Variants in TRDN observed in about 807,000 individuals in gnomAD.
TRDN encodes triadin in skeletal muscle.
Under a neutral mutation model 149.7 loss-of-function variants are expected in TRDN, and 161 were observed. The observed-to-expected ratio is 1.08, with a 90% confidence interval of 0.95 to 1.23. The LOEUF is 1.23. TRDN is among the 50% of genes most tolerant of loss of function. TRDN has a pLI of 0.00. For synonymous variants in TRDN, 294 were observed against 250.5 expected (o/e 1.17, Z -1.64); for missense variants, 896 against 823.5 (o/e 1.09, Z -1.08).
At chr6:123,360,229 A>G (rs1055628508) in intron 20 of TRDN, among the ~76,000 whole-genome samples, 1 of 152,158 alleles carries the variant, frequency 6.6e-6, no homozygotes, top group Admixed American at 6.5e-5. Flanking sequence ...AAATTCTGAG[A>G]TGGGGACACA....
intron 2 of TRDN, among the ~76,000 whole-genome samples, chr6:123,560,541 T>G (rs891737492): frequency 6.6e-6 from 1 of 152,162 alleles, no homozygotes; most frequent in Non-Finnish European, 1.5e-5. Flanking sequence ...AGGACAACGC[T>G]TATCCTGATA....
At chr6:123,437,186 G>A (rs1333171027) in intron 12 of TRDN, among the ~76,000 whole-genome samples, 1 of 152,034 alleles carries the variant, frequency 6.6e-6, no homozygotes, top group East Asian at 1.9e-4. Flanking sequence ...TCTTTGCAAT[G>A]TGGTATTGTT....
intron 2 of TRDN, among the ~76,000 whole-genome samples, chr6:123,564,414 A>T (rs189135420): frequency 6.6e-6 from 1 of 152,176 alleles, no homozygotes. Context: ...GTGTGTGTGT[A>T]TATGAGTGTA....
At chr6:123,346,989 T>TA (rs11318779) in intron 21 of TRDN, among the ~76,000 whole-genome samples, 1 of 151,120 alleles carries the variant, frequency 6.6e-6, no homozygotes, top group Non-Finnish European at 1.5e-5. Context: ...ATTTCAAACA[T>TA]AAAAAAAAAA....
Position 123,264,978 on chromosome 6 carries a change from T to C in TRDN, c.1804+340A>G, listed in dbSNP as rs371295926. ...CAAAAAATGGTGTGATTTATTGTGG[T>C]GGTCTGAATGAAACCTGCAATACCC... On this transcript the variant is annotated intron_variant, in intron 33 of 40. Coordinates refer to ENST00000334268, the MANE Select transcript of TRDN (RefSeq NM_006073.4). Among the ~76,000 whole-genome samples the C allele has an allele frequency of 1.6e-4, 24 of 152,160 alleles. 1 individual carries two copies. The South Asian group carries it at 4.6e-3, about 29-fold the overall frequency.
intron 31 of TRDN, among the ~76,000 whole-genome samples, chr6:123,268,075 T>G (rs1777075793): frequency 6.6e-6 from 1 of 152,128 alleles, no homozygotes; most frequent in Non-Finnish European, 1.5e-5. Context: ...TGCTGAAAGT[T>G]GAATCATTCT....
In TRDN at chr6:123,590,620, G is replaced by A. The variant is rs181907449; in HGVS notation, c.23-19488C>T. Among the ~76,000 whole-genome samples, 113 of 152,046 alleles carry A rather than the reference G, an allele frequency of 7.4e-4. 2 individuals carry two copies. The East Asian group carries it at 0.013, about 17-fold the overall frequency. On this transcript the variant is annotated intron_variant, in intron 1 of 40. Coordinates refer to ENST00000334268, the MANE Select transcript of TRDN (RefSeq NM_006073.4). ...TCTACTAAAAATACAAAAATTAGCC[G>A]GGTGTGTGGCACATGCCTATAGTCC...
chr6:123,339,369 C>T (rs1779987900), intron 21 of TRDN, among the ~76,000 whole-genome samples: 1 of 152,028 alleles, frequency 6.6e-6, no homozygotes, highest in Non-Finnish European at 1.5e-5. Flanking sequence ...AGAGTTCTTA[C>T]TTGGCTTACA....
At chr6:123,434,215 G>A (rs1322932083) in intron 12 of TRDN, among the ~76,000 whole-genome samples, 2 of 152,144 alleles carry the variant, frequency 1.3e-5, no homozygotes, top group Admixed American at 1.3e-4. Flanking sequence ...ATTCCTGAAA[G>A]TATCATTTTT....
chr6:123,521,841 A>G (rs1014378148), intron 5 of TRDN, among the ~76,000 whole-genome samples: 6 of 152,116 alleles, frequency 3.9e-5, no homozygotes, highest in Admixed American at 2.0e-4. Context: ...CCCAAACTAC[A>G]TCTCTCCTCG....
At position 123,259,668 on chromosome 6, in the gene TRDN, G is replaced by C. The variant is rs1776691442; in HGVS notation, c.1832-6C>G. On this transcript the variant is annotated splice_polypyrimidine_tract_variant and splice_region_variant and intron_variant, in intron 34 of 40. Coordinates refer to ENST00000334268, the MANE Select transcript of TRDN (RefSeq NM_006073.4). ...TATTTCAGTTTTCTTCTTTCCTAGG[G>C]GAAAGAAAAACAACAAGAAACCATC... 1 of 1,455,606 alleles carries C rather than the reference G, an allele frequency of 6.9e-7. No individual in the cohort carries two copies. The highest frequency in any genetic ancestry group is 1.3e-5 in the South Asian group (1 of 76,298). 90.2% of individuals were successfully genotyped at this position (1,455,606 alleles called of 1,614,324 possible). A position where few individuals can be genotyped will look rare whatever the true frequency, so the allele number is the denominator to read the frequency against.
chr6:123,351,898 T>C, intron 21 of TRDN: 1 of 984,964 alleles, frequency 1.0e-6, no homozygotes, highest in Non-Finnish European at 1.2e-6. Context: ...CTTTAAATGT[T>C]TTAAGTTTAG....
intron 24 of TRDN, among the ~76,000 whole-genome samples, chr6:123,315,909 T>G (rs562844376): frequency 6.6e-6 from 1 of 152,002 alleles, no homozygotes; most frequent in African/African-American, 2.4e-5. Flanking sequence ...TATTTCAGCT[T>G]TCAAATTAAT....
At chr6:123,221,828 C>T (rs546270959) in intron 39 of TRDN, among the ~76,000 whole-genome samples, 41 of 151,820 alleles carry the variant, frequency 2.7e-4, no homozygotes, top group African/African-American at 9.6e-4. Flanking sequence ...ACATGCATCC[C>T]TTTCCTGAGA....
intron 21 of TRDN, among the ~76,000 whole-genome samples, chr6:123,344,166 A>G (rs913368146): frequency 6.6e-5 from 10 of 151,978 alleles, no homozygotes; most frequent in Non-Finnish European, 1.2e-4. Flanking sequence ...AGTTTGTTAT[A>G]GCAGCCCAAA....
chr6:123,313,281 C>T (rs1582856961), intron 24 of TRDN, among the ~76,000 whole-genome samples: 1 of 151,964 alleles, frequency 6.6e-6, no homozygotes, highest in South Asian at 2.1e-4. Context: ...AAGTCTACTT[C>T]TGTCATTTCA....
chr6:123,560,172 A>G (rs926924852), intron 2 of TRDN, among the ~76,000 whole-genome samples: 1 of 152,094 alleles, frequency 6.6e-6, no homozygotes, highest in African/African-American at 2.4e-5. Flanking sequence ...ATCACAAACT[A>G]TGCTCAACTC....
At chr6:123,274,860 G>A (rs575905282) in intron 26 of TRDN, among the ~76,000 whole-genome samples, 190 bp from the exon 27 acceptor site, 121 of 152,106 alleles carry the variant, frequency 8.0e-4, no homozygotes, top group African/African-American at 2.8e-3. Flanking sequence ...GTGACAGAGC[G>A]AGACTCCGTT....
chr6:123,509,984 G>A (rs556734035), intron 7 of TRDN: 2 of 152,024 alleles, frequency 1.3e-5, no homozygotes, highest in South Asian at 2.1e-4. Context: ...TCTGTTAAAC[G>A]AGGTAATTAA....
Sources: allele counts gnomAD v4.1 joint callset (sites outside exome capture counted in the v4.1 genomes callset), GRCh38; gene constraint gnomAD v4.1.1; transcripts MANE v1.5; gene names NCBI Gene and HGNC (gene_info 2026-07-23, HGNC 2026-07-21).